The following TBATA variants were observed in gnomAD, a reference collection of about 807,000 sequenced individuals.
TBATA encodes the protein thymus, brain and testes associated.
TBATA carries 47 observed loss-of-function variants against 38.7 expected under a neutral mutation model. That is an observed-to-expected ratio of 1.21 (90% CI 0.96 to 1.55). TBATA has a LOEUF of 1.55. Ranked by LOEUF, TBATA falls within the 40% of genes most tolerant of loss-of-function variation. TBATA has a pLI of 0.00. For missense variants in TBATA, 436 were observed against 435.6 expected, an observed-to-expected ratio of 1.00 and a Z score of -0.01; for synonymous variants, 183 against 170.5, an observed-to-expected ratio of 1.07 and a Z score of -0.57.
chr10:70,774,871 G>T (rs1171350860), intron 8 of TBATA, among the ~76,000 whole-genome samples: 1 of 152,178 alleles, frequency 6.6e-6, no homozygotes, highest in African/African-American at 2.4e-5. Context: ...CCAATGCAAC[G>T]TGTGAGGGGC....
rs774504772 is a variant in TBATA, at chr10:70,771,276, G to A, written c.*100C>T. 1.5e-5 allele frequency: 24 copies of A among 1,609,514 alleles called. No individual in the cohort carries two copies. The highest frequency in any genetic ancestry group is 3.3e-5 in the South Asian group (3 of 90,718). On this transcript the variant is annotated 3_prime_UTR_variant, in exon 11 of 11. Transcript: ENST00000456372. ...GGTTTTATTTAGTAAGAGTTTTCAC[G>A]GTAGGGAATCAGGTACTGCTGTGAA...
intron 9 of TBATA, among the ~76,000 whole-genome samples, chr10:70,773,304 C>T (rs1393989649): frequency 6.6e-6 from 1 of 152,144 alleles, no homozygotes; most frequent in Non-Finnish European, 1.5e-5. Context: ...TTGTCATTCC[C>T]CAGTTGTATA....
At chr10:70,784,113 T>A (rs1844598897) in intron 2 of TBATA, among the ~76,000 whole-genome samples, 1 of 152,192 alleles carries the variant, frequency 6.6e-6, no homozygotes, top group African/African-American at 2.4e-5. Flanking sequence ...CCTGAGATCC[T>A]TTCTAAAAAT....
At chr10:70,781,716 G>T in intron 4 of TBATA, 85 bp downstream of exon 4, 1 of 1,300,340 alleles carries the variant, frequency 7.7e-7, no homozygotes, top group Non-Finnish European at 1.1e-6. Flanking sequence ...GCCTGGAAAT[G>T]GGCTGCCATC....
intron 9 of TBATA, among the ~76,000 whole-genome samples, chr10:70,773,737 G>A (rs1843025675): frequency 6.6e-6 from 1 of 152,200 alleles, no homozygotes; most frequent in African/African-American, 2.4e-5. Context: ...GCGGTGTCAG[G>A]CAAACTTATC....
chr10:70,783,431 G>A lies in TBATA; in HGVS notation c.-52C>T, dbSNP rs1230158562. On this transcript the variant is annotated 5_prime_UTR_variant, in exon 3 of 11. Coordinates refer to ENST00000456372, the MANE Select transcript of TBATA (RefSeq NM_001318241.2). ...CAGTGCACTTAATACTAGCGTTGAGGATGCAGAACAGGAACTCTCACTTAA... is the reference window on the plus strand; with the variant it reads ...CAGTGCACTTAATACTAGCGTTGAGAATGCAGAACAGGAACTCTCACTTAA... 2.5e-6 allele frequency: 4 copies of A among 1,596,554 alleles called. No homozygotes were observed. The highest frequency in any genetic ancestry group is 3.4e-6 in the Non-Finnish European group (4 of 1,165,530).
rs77590527 is a variant in TBATA at position 70,777,638 on chromosome 10, G to A, written c.508-300C>T. 1,388 of 453,954 alleles carry A rather than the reference G, an allele frequency of 3.1e-3. 21 individuals are homozygous for A. The highest frequency in any genetic ancestry group is 0.025 in the African/African-American group (1,242 of 50,346). 28.1% of individuals were successfully genotyped at this position (453,954 alleles called of 1,614,324 possible). A position where few individuals can be genotyped will look rare whatever the true frequency, so the allele number is the denominator to read the frequency against. ...TCCTCCTGGAACTCAGTAATGCAGGGTCGATCGCTGGATGCCCGCGGGTGG... is the reference window on the plus strand; with the variant it reads ...TCCTCCTGGAACTCAGTAATGCAGGATCGATCGCTGGATGCCCGCGGGTGG... On this transcript the variant is annotated intron_variant, in intron 6 of 10. Coordinates refer to ENST00000456372, the MANE Select transcript of TBATA (RefSeq NM_001318241.2).
intron 8 of TBATA, among the ~76,000 whole-genome samples, chr10:70,774,754 C>T (rs1320148854): frequency 2.0e-5 from 3 of 152,188 alleles, no homozygotes; most frequent in Non-Finnish European, 4.4e-5. Flanking sequence ...AGATGCACCC[C>T]CTACCCACTG....
intron 6 of TBATA, chr10:70,777,769 C>G (rs546410362): frequency 2.3e-6 from 1 of 442,882 alleles, no homozygotes; most frequent in African/African-American, 2.0e-5. Context: ...TACCTTAATT[C>G]CCAGCTCAGC....
At chr10:70,776,916 G>A (rs190834271) in intron 7 of TBATA, among the ~76,000 whole-genome samples, 192 of 152,256 alleles carry the variant, frequency 1.3e-3, no homozygotes, top group African/African-American at 4.3e-3. Context: ...ACAACAGTGC[G>A]TTCATGCTTC....
Position 70,777,342 on chromosome 10 carries a change from G to T in TBATA, c.508-4C>A. The T allele has an allele frequency of 6.2e-7, 1 of 1,611,004 alleles. No individual in the cohort carries two copies. The highest frequency in any genetic ancestry group is 2.2e-5 in the East Asian group (1 of 44,818). ...GCTCCTCCTTCTGCTCCTTCTGCTG[G>T]GACAAAAGTGGCCAGAGACTCCAGG... On this transcript the variant is annotated splice_polypyrimidine_tract_variant and splice_region_variant and intron_variant, in intron 6 of 10. Transcript: ENST00000456372.
chr10:70,771,592 G>C (rs1318008941), intron 10 of TBATA, 131 bp from the exon 11 acceptor site: 1 of 815,180 alleles, frequency 1.2e-6, no homozygotes, highest in Non-Finnish European at 1.9e-6. Flanking sequence ...CAGCTCTGCT[G>C]GTGACCGAGG....
chr10:70,781,622 AG>A (rs1474995906), intron 4 of TBATA, among the ~76,000 whole-genome samples, 178 bp downstream of exon 4: 1 of 152,182 alleles, frequency 6.6e-6, no homozygotes, highest in Non-Finnish European at 1.5e-5. Flanking sequence ...CCACCCTTGG[AG>A]GCTTCTCTCC....
chr10:70,777,894 A>G, intron 6 of TBATA: 1 of 419,666 alleles, frequency 2.4e-6, no homozygotes, highest in Non-Finnish European at 4.7e-6. Context: ...ACAGAGACCC[A>G]GACAGCTTAG....
At chr10:70,781,576 C>A (rs1844214613) in intron 4 of TBATA, among the ~76,000 whole-genome samples, 1 of 152,196 alleles carries the variant, frequency 6.6e-6, no homozygotes, top group Non-Finnish European at 1.5e-5. Context: ...AATGGGAGAA[C>A]CCAGCAGTCA....
In TBATA at chr10:70,779,705, A is replaced by G. The variant is rs763030092; in HGVS notation, c.315T>C (p.Phe105=). The G allele has an allele frequency of 6.5e-6, 10 of 1,537,292 alleles. No homozygotes were observed. The highest frequency in any genetic ancestry group is 2.9e-5 in the African/African-American group (2 of 69,168). Reference sequence around the variant, plus strand: ...CAGTTGACTCAGGCAAGGGGGCTGGAAAATCCCTGACGACACAGACAGGCT... The same window carrying G: ...CAGTTGACTCAGGCAAGGGGGCTGGGAAATCCCTGACGACACAGACAGGCT... ...TGKPVCVVRD[F]PAPLPESTVF... The change falls in exon 5 of 11, where the codon TTT becomes TTC. Residue 105 remains phenylalanine (F), a synonymous_variant. Coordinates refer to ENST00000456372, the MANE Select transcript of TBATA (RefSeq NM_001318241.2).
rs781053310 is a variant in TBATA, at chr10:70,778,557, C to A, written c.507G>T (p.Glu169Asp). 2.0e-5 allele frequency: 32 copies of A among 1,614,078 alleles called. 1 individual carries two copies. In the Admixed American group the frequency reaches 5.3e-4, roughly 27 times the overall value. Residue 169 changes from glutamate (E) to aspartate (D), a missense_variant and splice_region_variant, in exon 6 of 11, where the codon GAG becomes GAT. Physicochemically the swap from Glu to Asp is conservative, Grantham distance 45 (BLOSUM62 2). Coordinates refer to ENST00000456372, the MANE Select transcript of TBATA (RefSeq NM_001318241.2). Reference protein sequence around the residue: ...LTKEDELKKKEQKEQKEEPLR... With the variant: ...LTKEDELKKKDQKEQKEEPLR... ...ACTAGCTCCTGTGTTCCGCACCCAC[C>A]TCTTTCTTCTTCAGTTCATCCTCCT...
chr10:70,782,924 G>A (rs759283627), intron 3 of TBATA, among the ~76,000 whole-genome samples: 20 of 152,320 alleles, frequency 1.3e-4, no homozygotes, highest in African/African-American at 2.9e-4. Flanking sequence ...CGGACCCTCT[G>A]AGGACTCCAC....
At position 70,781,944 on chromosome 10, in the gene TBATA, C is replaced by T; in HGVS notation, c.134G>A (p.Gly45Glu). Residue 45 changes from glycine to glutamate, a missense_variant, in exon 4 of 11, where the codon GGG (glycine) becomes GAG (glutamate). Physicochemically the swap from Gly to Glu is moderately conservative, Grantham distance 98. Coordinates refer to ENST00000456372, the MANE Select transcript of TBATA (RefSeq NM_001318241.2). Reference sequence around the variant, plus strand: ...GCGGATCCGCTCGAAATCCACAATCCCTGGGATCACCAGTTCTTTCTGTGG... The same window carrying T: ...GCGGATCCGCTCGAAATCCACAATCTCTGGGATCACCAGTTCTTTCTGTGG... ...SGPQKELVIPGIVDFERIRRA... is the reference protein window; with the variant it reads ...SGPQKELVIPEIVDFERIRRA... 3.1e-6 allele frequency: 5 copies of T among 1,614,200 alleles called. No individual in the cohort carries two copies. Among genetic ancestry groups the T allele is most frequent in the Non-Finnish European group, 4.2e-6 (5 of 1,180,048 alleles).
Sources: gnomAD v4.1 joint callset for allele counts (sites outside exome capture counted in the v4.1 genomes callset) on GRCh38, gnomAD v4.1.1 for gene constraint, MANE v1.5 for transcripts, NCBI Gene and HGNC (gene_info 2026-07-23, HGNC 2026-07-21) for gene names.